The following VWA5B1 variants were observed in gnomAD, a reference collection of about 807,000 sequenced individuals.
VWA5B1 encodes von Willebrand factor A domain containing 5B1.
A neutral mutation model predicts 118.2 loss-of-function variants in VWA5B1; 115 were observed. The observed-to-expected ratio is 0.97, with a 90% CI of 0.84 to 1.14. VWA5B1 has a LOEUF of 1.14. Among genes scored for constraint, VWA5B1 ranks in the 50% most tolerant of loss-of-function variants. VWA5B1 has a pLI of 0.00. For synonymous variants in VWA5B1, 682 were observed against 658.4 expected (o/e 1.04, Z -0.55); for missense variants, 1,596 against 1,603.8 (o/e 1.00, Z 0.08).
At chr1:20,346,960 T>C (rs1257575012) in intron 17 of VWA5B1, among the ~76,000 whole-genome samples, 1 of 152,214 alleles carries the variant, frequency 6.6e-6, no homozygotes, top group African/African-American at 2.4e-5. Context: ...TTAATCAGGC[T>C]GTTCGCTTAT....
chr1:20,332,669 C>G (rs1414899281), intron 11 of VWA5B1, 97 bp from the exon 12 acceptor site: 2 of 1,359,484 alleles, frequency 1.5e-6, no homozygotes, highest in Non-Finnish European at 2.0e-6. Flanking sequence ...GTCCCCTCTT[C>G]CCTGCTCCCA....
At chr1:20,329,578 G>T (rs1003882388) in intron 9 of VWA5B1, among the ~76,000 whole-genome samples, 1 of 152,044 alleles carries the variant, frequency 6.6e-6, no homozygotes, top group Non-Finnish European at 1.5e-5. Flanking sequence ...CAAACATGCT[G>T]TTACTTCTAA....
chr1:20,357,159 A>G lies in VWA5B1; in HGVS notation c.*2896A>G, dbSNP rs1460926050. Among the ~76,000 whole-genome samples the G allele has an allele frequency of 6.6e-6, 1 of 152,224 alleles. No individual in the cohort carries two copies. Among genetic ancestry groups the G allele is most frequent in the Non-Finnish European group, 1.5e-5 (1 of 68,034 alleles). ...AAAGCCCAGCCTCCAAGCTGCCTTC[A>G]GTGGGAAAAACACTGAGCTGAGAGT... On this transcript the variant is annotated 3_prime_UTR_variant, in exon 22 of 22. Transcript: ENST00000289815.
chr1:20,339,993 C>A (rs1011438300), intron 14 of VWA5B1, among the ~76,000 whole-genome samples: 2 of 152,170 alleles, frequency 1.3e-5, no homozygotes, highest in Admixed American at 1.3e-4. Flanking sequence ...AGCGCCTGGC[C>A]CAGCACCTGG....
At chr1:20,337,859 G>A (rs1038737220) in intron 14 of VWA5B1, 23 bp downstream of exon 14, 6 of 1,551,328 alleles carry the variant, frequency 3.9e-6, no homozygotes, top group Middle Eastern at 3.3e-4. Flanking sequence ...GACAGATTAG[G>A]GAGGAGCTGG....
intron 9 of VWA5B1, among the ~76,000 whole-genome samples, chr1:20,329,068 A>G (rs1304513624): frequency 1.3e-5 from 2 of 152,108 alleles, no homozygotes; most frequent in African/African-American, 4.8e-5. Flanking sequence ...CTAGTATTTC[A>G]CTACACAGAT....
rs1174226011 is a variant in VWA5B1, at chr1:20,317,547, T to G, written c.581T>G (p.Phe194Cys). ...QQAQGKDRHC[F>C]GAWAPGSWNK... ...TTTTCCAGCAAAGACAGGCACTGCTTCGGTGCCTGGGCCCCGGGCTCCTGG... is the reference window on the plus strand; with the variant it reads ...TTTTCCAGCAAAGACAGGCACTGCTGCGGTGCCTGGGCCCCGGGCTCCTGG... Residue 194 changes from phenylalanine (F) to cysteine (C), a missense_variant, in exon 5 of 22, where the codon TTC becomes TGC. Coordinates refer to ENST00000289815, the MANE Select transcript of VWA5B1 (RefSeq NM_001039500.3). 2 of 1,551,622 alleles carry G rather than the reference T, an allele frequency of 1.3e-6. No individual in the cohort carries two copies. Among genetic ancestry groups the G allele is most frequent in the Admixed American group, 3.9e-5 (2 of 50,976 alleles).
At chr1:20,353,568 G>A (rs536840347) in intron 21 of VWA5B1, among the ~76,000 whole-genome samples, 189 bp from the exon 22 acceptor site, 7 of 152,238 alleles carry the variant, frequency 4.6e-5, no homozygotes, top group South Asian at 2.1e-4. Context: ...TGTTGACTTC[G>A]GCTTGGAGAA....
chr1:20,297,499 C>T (rs749960631), intron 1 of VWA5B1, among the ~76,000 whole-genome samples: 16 of 152,190 alleles, frequency 1.1e-4, no homozygotes, highest in Non-Finnish European at 1.8e-4. Context: ...CAGCTTACCA[C>T]GCACCCAGAG....
Position 20,314,407 on chromosome 1 carries a change from C to T in VWA5B1, c.378C>T (p.Ile126=), listed in dbSNP as rs1037050972. The change falls in exon 4 of 22, where the codon ATC becomes ATT. Residue 126 remains isoleucine (I), a synonymous_variant. Transcript: ENST00000289815. ...CCTTGGACGAGGATTTGGAGCGGAT[C>T]CTGTTCGTGGCCAACCTGGGGACCA... ...KVTLDEDLER[I]LFVANLGTIA... 6.4e-7 allele frequency: 1 copy of T among 1,552,016 alleles called. No individual in the cohort carries two copies. Among genetic ancestry groups the T allele is most frequent in the African/African-American group, 1.4e-5 (1 of 73,154 alleles).
intron 19 of VWA5B1, 63 bp from the exon 20 acceptor site, chr1:20,350,794 G>A (rs1199784224): frequency 1.4e-5 from 21 of 1,484,396 alleles, no homozygotes; most frequent in Non-Finnish European, 1.8e-5. Context: ...CCCCCAGTTG[G>A]TCAGTGAGCA....
Position 20,357,009 on chromosome 1 carries a change from T to C in VWA5B1, c.*2746T>C. Reference sequence around the variant, plus strand: ...TCTCAAGCAGGGAACACATTGCCCCTGCAATCTCATTTACTTTGGGTTAAT... The same window carrying C: ...TCTCAAGCAGGGAACACATTGCCCCCGCAATCTCATTTACTTTGGGTTAAT... On this transcript the variant is annotated 3_prime_UTR_variant, in exon 22 of 22. Transcript: ENST00000289815. Among the ~76,000 whole-genome samples, 1 of 152,246 alleles carries C rather than the reference T, an allele frequency of 6.6e-6. No homozygotes were observed. The highest frequency in any genetic ancestry group is 6.5e-5 in the Admixed American group (1 of 15,288).
chr1:20,312,541 G>A (rs1403619415), intron 2 of VWA5B1, among the ~76,000 whole-genome samples: 1 of 152,192 alleles, frequency 6.6e-6, no homozygotes, highest in Non-Finnish European at 1.5e-5. Flanking sequence ...TGTGCTATAT[G>A]AGGCCCACAC....
chr1:20,345,330 T>A lies in VWA5B1; in HGVS notation c.2627-126T>A, dbSNP rs989761014. The A allele has an allele frequency of 1.0e-5, 13 of 1,292,370 alleles. No homozygotes were observed. In the East Asian group the frequency reaches 2.6e-4, roughly 26 times the overall value. 80.1% of individuals were successfully genotyped at this position (1,292,370 alleles called of 1,614,324 possible). ...TTAGCAAGTTGGCAAGCCCTTGATT[T>A]TAAAGGCTTCTTTAATCCCAAAGAT... On this transcript the variant is annotated intron_variant, in intron 16 of 21. Coordinates refer to ENST00000289815, the MANE Select transcript of VWA5B1 (RefSeq NM_001039500.3).
chr1:20,353,983 G>A lies in VWA5B1; in HGVS notation c.3368G>A (p.Gly1123Asp). ...DSFSLEPLAK[G>D]KLGLEPRAVV... ...TTCTCCCTGGAGCCTCTGGCCAAGGGCAAGCTGGGCCTGGAGCCGAGGGCA... is the reference window on the plus strand; with the variant it reads ...TTCTCCCTGGAGCCTCTGGCCAAGGACAAGCTGGGCCTGGAGCCGAGGGCA... The change falls in exon 22 of 22, where the codon GGC becomes GAC. Residue 1123 changes from glycine to aspartate, a missense_variant. Physicochemically the swap from Gly to Asp is moderately conservative, Grantham distance 94. Coordinates refer to ENST00000289815, the MANE Select transcript of VWA5B1 (RefSeq NM_001039500.3). 1.9e-6 allele frequency: 3 copies of A among 1,551,748 alleles called. No individual in the cohort carries two copies. The highest frequency in any genetic ancestry group is 2.6e-6 in the Non-Finnish European group (3 of 1,147,020).
chr1:20,327,641 C>T (rs1033387), intron 8 of VWA5B1, among the ~76,000 whole-genome samples: 57,636 of 149,798 alleles, frequency 0.38, 11,953 homozygotes, highest in East Asian at 0.91. Context: ...ATGATGATGA[C>T]GACGACGACG....
At chr1:20,291,294 A>C (rs2088294030) in intron 1 of VWA5B1, among the ~76,000 whole-genome samples, 1 of 151,158 alleles carries the variant, frequency 6.6e-6, no homozygotes, top group Non-Finnish European at 1.5e-5. Context: ...ATAAGAAGTG[A>C]GGGAGCATGG....
At chr1:20,318,966 C>T (rs909982391) in intron 6 of VWA5B1, among the ~76,000 whole-genome samples, 3 of 152,298 alleles carry the variant, frequency 2.0e-5, no homozygotes, top group South Asian at 2.1e-4. Flanking sequence ...ATCCACCCAT[C>T]GGGGCACTTT....
chr1:20,335,002 T>C (rs4654852), intron 12 of VWA5B1, among the ~76,000 whole-genome samples: 37,978 of 151,758 alleles, frequency 0.25, 5,246 homozygotes, highest in East Asian at 0.4. Context: ...TATTGTGCAG[T>C]CAAATGCTAA....
Sources: allele counts gnomAD v4.1 joint callset (sites outside exome capture counted in the v4.1 genomes callset), GRCh38; gene constraint gnomAD v4.1.1; transcripts MANE v1.5; gene names NCBI Gene and HGNC (gene_info 2026-07-23, HGNC 2026-07-21).